Variants in ITSN2 observed in about 807,000 individuals in gnomAD.
ITSN2 encodes intersectin-2.
ITSN2 carries 156 observed loss-of-function variants against 243.7 expected under a neutral mutation model. The observed-to-expected ratio is 0.64, with a 90% CI of 0.56 to 0.73. The LOEUF is 0.73. Among genes scored for constraint, ITSN2 ranks in the 30% least tolerant of loss-of-function variants. The pLI is 0.00. For missense variants in ITSN2, 1,801 were observed against 1,996.1 expected (o/e 0.90, Z 1.86); for synonymous variants, 703 against 699.9 (o/e 1.00, Z -0.07).
intron 8 of ITSN2, 88 bp downstream of exon 8, chr2:24,308,529 A>T: frequency 1.2e-6 from 1 of 832,308 alleles, no homozygotes; most frequent in Non-Finnish European, 1.7e-6. Flanking sequence ...CAGATGAGCT[A>T]CACAATACAA....
Position 24,208,218 on chromosome 2 carries a change from C to A in ITSN2, c.4678+19G>T. The A allele has an allele frequency of 6.2e-7, 1 of 1,608,488 alleles. No homozygotes were observed. On this transcript the variant is annotated intron_variant, in intron 37 of 39. Transcript: ENST00000355123. ...AGGGCCCCTGGGGGCTGCGTCCCAC[C>A]CTCCGGGCACCCTGATACCTTGGTA... is the stretch of plus-strand genomic sequence containing the variant.
intron 1 of ITSN2, among the ~76,000 whole-genome samples, chr2:24,344,409 G>A (rs1687328596): frequency 1.3e-5 from 2 of 152,074 alleles, no homozygotes; most frequent in Admixed American, 1.3e-4. Context: ...ACTTGTTTCT[G>A]TATAATCTTG....
Position 24,290,350 on chromosome 2 carries a change from T to C in ITSN2, c.1723+3338A>G, listed in dbSNP as rs543447023. Among the ~76,000 whole-genome samples the C allele has an allele frequency of 7.9e-5, 12 of 152,326 alleles. No individual in the cohort carries two copies. In the East Asian group the frequency reaches 2.3e-3, roughly 29 times the overall value. On this transcript the variant is annotated intron_variant, in intron 15 of 39. Coordinates refer to ENST00000355123, the MANE Select transcript of ITSN2 (RefSeq NM_006277.3). ...TTATGTTTCTGGCCAGAGTCTTGAA[T>C]TGTTAGGTCTTATCCTTTGCCGTAT...
At chr2:24,205,081 A>C (rs538631460) in intron 38 of ITSN2, 133 bp downstream of exon 38, 93 of 656,342 alleles carry the variant, frequency 1.4e-4, no homozygotes, top group Non-Finnish European at 2.4e-4. Context: ...CCAGAGGCAG[A>C]GGTTGCAGTG....
At chr2:24,261,084 A>C in intron 22 of ITSN2, 22 bp downstream of exon 22, 1 of 1,599,530 alleles carries the variant, frequency 6.3e-7, no homozygotes, top group Non-Finnish European at 8.5e-7. Context: ...AATAAAGCCC[A>C]CAAAAATAAC....
rs1419254187 is a variant in ITSN2 at position 24,274,218 on chromosome 2, AACTTT to A, written c.2081+1490_2081+1494del. ...AGAGCTGTAAGAGCTACTTCGTTTG[AACTTT>A]ACTTTCTCTACTTCTATATTATTCT... On this transcript the variant is annotated intron_variant, in intron 18 of 39. Coordinates refer to ENST00000355123, the MANE Select transcript of ITSN2 (RefSeq NM_006277.3). 2.0e-5 allele frequency among the ~76,000 whole-genome samples: 3 copies of A among 152,298 alleles called. No individual in the cohort carries two copies. In the East Asian group the frequency reaches 5.8e-4, roughly 29 times the overall value.
intron 29 of ITSN2, among the ~76,000 whole-genome samples, chr2:24,231,733 G>A (rs1671619163): frequency 6.6e-6 from 1 of 152,216 alleles, no homozygotes; most frequent in Non-Finnish European, 1.5e-5. Context: ...AAGGACAAAA[G>A]ACAATCTGTG....
intron 1 of ITSN2, among the ~76,000 whole-genome samples, chr2:24,333,162 A>T (rs970748291): frequency 6.6e-6 from 1 of 152,214 alleles, no homozygotes; most frequent in Non-Finnish European, 1.5e-5. Flanking sequence ...TCTTAAGCCC[A>T]TGAACTTCCC....
upstream of ITSN2, among the ~76,000 whole-genome samples, chr2:24,361,270 A>AT (rs753821487): frequency 2.6e-5 from 4 of 152,058 alleles, no homozygotes; most frequent in Non-Finnish European, 5.9e-5. Context: ...CCTACTCAGA[A>AT]TTTGTCTCTT....
chr2:24,248,291 T>C (rs970914433), intron 27 of ITSN2, among the ~76,000 whole-genome samples: 3 of 152,182 alleles, frequency 2.0e-5, no homozygotes, highest in African/African-American at 4.8e-5. Flanking sequence ...GTCTTTCTCC[T>C]AGAGGCTATA....
Position 24,300,493 on chromosome 2 carries a change from G to A in ITSN2, c.1082-322C>T, listed in dbSNP as rs192036071. Among the ~76,000 whole-genome samples the A allele has an allele frequency of 1.0e-3, 153 of 152,200 alleles. 4 individuals are homozygous for A. In the East Asian group the frequency reaches 0.017, roughly 17 times the overall value. ...AACACTTTGGGAGGCCAAGGTGGGCGGATCACCTGAGGTCAGCAGTTCAAG... is the reference window on the plus strand; with the variant it reads ...AACACTTTGGGAGGCCAAGGTGGGCAGATCACCTGAGGTCAGCAGTTCAAG... On this transcript the variant is annotated intron_variant, in intron 11 of 39. Transcript: ENST00000355123.
intron 14 of ITSN2, among the ~76,000 whole-genome samples, chr2:24,294,019 G>T (rs1574187912): frequency 6.6e-6 from 1 of 152,184 alleles, no homozygotes; most frequent in Non-Finnish European, 1.5e-5. Flanking sequence ...TTTGTAAATG[G>T]GGTGTGTCTA....
intron 2 of ITSN2, among the ~76,000 whole-genome samples, chr2:24,323,980 C>G (rs959805907): frequency 6.6e-6 from 1 of 152,176 alleles, no homozygotes; most frequent in African/African-American, 2.4e-5. Flanking sequence ...CACCTGTAAT[C>G]CCAGCACTTT....
intron 1 of ITSN2, among the ~76,000 whole-genome samples, chr2:24,339,893 G>A (rs1387178027): frequency 6.6e-6 from 1 of 152,104 alleles, no homozygotes; most frequent in Non-Finnish European, 1.5e-5. Flanking sequence ...TGGGCATGGT[G>A]GCACACACCT....
chr2:24,308,711 AGTC>A lies in ITSN2; in HGVS notation c.696_698del (p.Lys232_Thr233delinsAsn). On this transcript the variant is annotated inframe_deletion, in exon 8 of 40. Transcript: ENST00000355123. ...GAGGAACTGCCCACTCTGAGGTCCC[AGTC>A]TTGGGTGAGTTCCCTGAGAGTGAAG... 1 of 1,528,102 alleles carries A rather than the reference AGTC, an allele frequency of 6.5e-7. No individual in the cohort carries two copies. The highest frequency in any genetic ancestry group is 8.8e-7 in the Non-Finnish European group (1 of 1,131,242). The allele number at this position is 1,528,102 out of a possible 1,614,324, so 94.7% of individuals were successfully genotyped here.
intron 1 of ITSN2, among the ~76,000 whole-genome samples, chr2:24,356,998 GC>G (rs1688508287): frequency 6.6e-6 from 1 of 152,172 alleles, no homozygotes; most frequent in African/African-American, 2.4e-5. Context: ...CAAGTCTGTG[GC>G]GAAATGGAAC....
At chr2:24,315,350 G>A (rs1289811638) in intron 2 of ITSN2, 126 bp from the exon 3 acceptor site, 3 of 545,240 alleles carry the variant, frequency 5.5e-6, no homozygotes, top group Non-Finnish European at 9.8e-6. Context: ...GACACAAAGA[G>A]TAGAGCTCTA....
chr2:24,246,442 T>C (rs909190227), intron 28 of ITSN2, 122 bp from the exon 29 acceptor site: 209 of 567,938 alleles, frequency 3.7e-4, no homozygotes, highest in Admixed American at 6.9e-4. Context: ...TAGGCTAAAA[T>C]TTCCCTTGAA....
intron 12 of ITSN2, 115 bp from the exon 13 acceptor site, chr2:24,298,929 C>T: frequency 1.2e-6 from 1 of 855,202 alleles, no homozygotes; most frequent in Non-Finnish European, 1.7e-6. Flanking sequence ...GGCTTTAGTG[C>T]CTAAGGGTAG....
Sources: gnomAD v4.1 joint callset for allele counts (sites outside exome capture counted in the v4.1 genomes callset) on GRCh38, gnomAD v4.1.1 for gene constraint, MANE v1.5 for transcripts, NCBI Gene and HGNC (gene_info 2026-07-23, HGNC 2026-07-21) for gene names.